Variants in FADS2 observed in about 807,000 individuals in gnomAD.
FADS2 encodes fatty acid desaturase 2, also known as acyl-CoA 6-desaturase.
A neutral mutation model predicts 61.2 loss-of-function variants in FADS2; 18 were observed. The observed-to-expected ratio is 0.29, with a 90% confidence interval of 0.20 to 0.44. The LOEUF (loss-of-function observed/expected upper bound fraction) is 0.44. Ranked by LOEUF, FADS2 falls within the 20% of genes least tolerant of loss-of-function variation. The pLI, the probability that FADS2 is intolerant of heterozygous loss-of-function variation, is 1.00. For synonymous variants in FADS2, 203 were observed against 223.9 expected (o/e 0.91, Z 0.83); for missense variants, 322 against 572.7 (o/e 0.56, Z 4.47).
chr11:61,829,967 T>G (rs1172008623), intron 1 of FADS2, among the ~76,000 whole-genome samples: 9 of 152,206 alleles, frequency 5.9e-5, no homozygotes, highest in Admixed American at 5.9e-4. Context: ...GATACTGAAA[T>G]TCCCTACAGC....
upstream of FADS2, among the ~76,000 whole-genome samples, chr11:61,824,490 GAAAGAA>G (rs1565325409): frequency 5.4e-4 from 5 of 9,288 alleles, 1 homozygote; most frequent in Admixed American, 7.4e-3. Flanking sequence ...GAGAGAGAGA[GAAAGAA>G]AGAAAGGAAA....
intron 1 of FADS2, among the ~76,000 whole-genome samples, chr11:61,832,298 C>A (rs990478731): frequency 6.6e-6 from 1 of 152,166 alleles, no homozygotes; most frequent in African/African-American, 2.4e-5. Context: ...CTCCTTTGCA[C>A]GGGGCAGGAG....
chr11:61,843,825 A>AT (rs1247235983), intron 4 of FADS2, among the ~76,000 whole-genome samples: 5 of 151,836 alleles, frequency 3.3e-5, no homozygotes, highest in Non-Finnish European at 5.9e-5. Flanking sequence ...TGCCCAGCTA[A>AT]TTTTTTTGTA....
chr11:61,856,079 G>C (rs1387449613), intron 5 of FADS2: 1 of 152,306 alleles, frequency 6.6e-6, no homozygotes, highest in African/African-American at 2.4e-5. Context: ...TGCAAGCCCA[G>C]CCTCCCCACA....
chr11:61,816,457 G>T lies in FADS2; in HGVS notation c.141+31G>T, dbSNP rs761958385. 2 of 1,600,174 alleles carry T rather than the reference G, an allele frequency of 1.2e-6. No individual in the cohort carries two copies. The highest frequency in any genetic ancestry group is 1.7e-6 in the Non-Finnish European group (2 of 1,179,672). Reference sequence around the variant, plus strand: ...ATCAGGCGCCTCCGGGCTTTCCTCCGAATTAGTCGGTGTTTGGCTCGGAGT... The same window carrying T: ...ATCAGGCGCCTCCGGGCTTTCCTCCTAATTAGTCGGTGTTTGGCTCGGAGT... On this transcript the variant is annotated intron_variant, in intron 1 of 11. Transcript: ENST00000257261. This position sits in a 1 kb window ranked among gnomAD's most constrained non-coding sequence, Gnocchi z 7.0.
intron 4 of FADS2, chr11:61,847,730 T>C: frequency 5.1e-6 from 1 of 196,962 alleles, no homozygotes; most frequent in Non-Finnish European, 1.1e-5. Context: ...TTTTCATTTC[T>C]CTTGGATATA....
chr11:61,822,820 T>C (rs2067045029), intron 1 of FADS2, among the ~76,000 whole-genome samples: 1 of 152,354 alleles, frequency 6.6e-6, no homozygotes, highest in Admixed American at 6.5e-5. Context: ...CCAATATACT[T>C]AACTTTTTCC....
At chr11:61,850,613 A>G (rs1020925055) in intron 5 of FADS2, among the ~76,000 whole-genome samples, 1 of 150,336 alleles carries the variant, frequency 6.7e-6, no homozygotes, top group African/African-American at 2.5e-5. Flanking sequence ...TATTTAATAC[A>G]TTCTTTTTTT....
At chr11:61,821,082 CT>C (rs1011222820) in intron 1 of FADS2, among the ~76,000 whole-genome samples, 2 of 152,194 alleles carry the variant, frequency 1.3e-5, no homozygotes, top group Non-Finnish European at 2.9e-5. Context: ...TAAAGGAAAC[CT>C]TTGCCTTGCA....
At chr11:61,854,775 C>T (rs1249869261) in intron 5 of FADS2, 4 of 152,256 alleles carry the variant, frequency 2.6e-5, no homozygotes, top group African/African-American at 9.7e-5. Context: ...CCCAGCAGAG[C>T]CGCTGCAGCT....
At chr11:61,858,806 G>A (rs1399764575) in intron 7 of FADS2, among the ~76,000 whole-genome samples, 2 of 151,926 alleles carry the variant, frequency 1.3e-5, no homozygotes, top group African/African-American at 4.8e-5. Context: ...GGCTGGTCTC[G>A]AACTCTTGAC....
rs1452198792 is a variant in FADS2 at position 61,866,023 on chromosome 11, C to G, written c.*334C>G. 2.2e-6 allele frequency: 1 copy of G among 460,702 alleles called. No homozygotes were observed. The highest frequency in any genetic ancestry group is 3.1e-5 in the East Asian group (1 of 32,138). The allele number at this position is 460,702 out of a possible 1,614,324, so 28.5% of individuals were successfully genotyped here. A position where few individuals can be genotyped will look rare whatever the true frequency, so the allele number is the denominator to read the frequency against. ...TCTGCCCCTAAAGATGGGAGGAGAC[C>G]AGCGGTCCATGGGTCTGGCCTGTGA... On this transcript the variant is annotated 3_prime_UTR_variant, in exon 12 of 12. Coordinates refer to ENST00000278840, the MANE Select transcript of FADS2 (RefSeq NM_004265.4).
chr11:61,833,590 C>T (rs1443556568), intron 1 of FADS2, among the ~76,000 whole-genome samples: 2 of 152,320 alleles, frequency 1.3e-5, no homozygotes, highest in South Asian at 2.1e-4. Flanking sequence ...TGCCAACCTA[C>T]GCCTGATTTC....
intron 7 of FADS2, among the ~76,000 whole-genome samples, chr11:61,861,371 A>AAAAAACAAAAAAAAAC (rs1555078396): frequency 9.4e-6 from 1 of 106,458 alleles, no homozygotes; most frequent in Admixed American, 9.9e-5. Flanking sequence ...AAAAAAAAAA[A>AAAAAACAAAAAAAAAC]CAGAAATTAG....
chr11:61,851,782 C>T (rs565854713), intron 5 of FADS2, among the ~76,000 whole-genome samples: 1 of 152,380 alleles, frequency 6.6e-6, no homozygotes, highest in South Asian at 2.1e-4. Context: ...GCACGTGGAA[C>T]TGTGAATAGC....
intron 1 of FADS2, among the ~76,000 whole-genome samples, chr11:61,830,004 T>C (rs149926814): frequency 2.4e-3 from 366 of 152,318 alleles, no homozygotes; most frequent in Middle Eastern, 0.014. Context: ...TTTTACTTGC[T>C]TGTGGACATT....
rs779857785 is a variant in FADS2, at chr11:61,816,780, C to T, written c.141+354C>T. Reference sequence around the variant, plus strand: ...CCATAGCTGGCCTGGCGACGCCGCGCGCCGGGCCAGCAGGGGCTGTCAGGC... The same window carrying T: ...CCATAGCTGGCCTGGCGACGCCGCGTGCCGGGCCAGCAGGGGCTGTCAGGC... On this transcript the variant is annotated intron_variant, in intron 1 of 11. Coordinates refer to the FADS2 transcript ENST00000257261. The surrounding 1 kb of genome is among the most constrained non-coding windows in gnomAD (Gnocchi z 7.0). The T allele has an allele frequency of 1.1e-5, 17 of 1,519,742 alleles. No homozygotes were observed. The highest frequency in any genetic ancestry group is 1.4e-5 in the Non-Finnish European group (16 of 1,139,444). The allele number at this position is 1,519,742 out of a possible 1,614,324, so 94.1% of individuals were successfully genotyped here.
intron 4 of FADS2, 59 bp downstream of exon 4, chr11:61,840,784 C>G (rs953241972): frequency 1.0e-5 from 13 of 1,277,422 alleles, no homozygotes; most frequent in Non-Finnish European, 1.4e-5. Flanking sequence ...ACAGAGGGAC[C>G]AGGATTCCTC....
intron 2 of FADS2, among the ~76,000 whole-genome samples, chr11:61,840,057 A>G (rs780867383): frequency 5.9e-5 from 9 of 152,216 alleles, no homozygotes; most frequent in Admixed American, 1.3e-4. Flanking sequence ...GAATAGAGCT[A>G]TGAACACAGG....
Sources: allele counts gnomAD v4.1 joint callset (sites outside exome capture counted in the v4.1 genomes callset), GRCh38; gene constraint gnomAD v4.1.1; non-coding constraint Gnocchi (gnomAD v3.1); transcripts MANE v1.5; gene names NCBI Gene and HGNC (gene_info 2026-07-23, HGNC 2026-07-21).